Variants in TMEM120B observed in about 807,000 individuals in gnomAD.
The protein encoded by TMEM120B is transmembrane protein 120B.
Under a neutral mutation model 55.5 loss-of-function variants are expected in TMEM120B, and 31 were observed. That is an observed-to-expected ratio of 0.56 (90% CI 0.42 to 0.75). The LOEUF (loss-of-function observed/expected upper bound fraction) is 0.75, where lower values mean the gene tolerates loss of function less well. Ranked by LOEUF, TMEM120B falls within the 30% of genes least tolerant of loss-of-function variation. TMEM120B has a pLI of 0.00. For missense variants in TMEM120B, 399 were observed against 425.5 expected (o/e 0.94, Z 0.55); for synonymous variants, 203 against 176.3 (o/e 1.15, Z -1.20).
chr12:121,770,374 A>G (rs910590154), intron 6 of TMEM120B, among the ~76,000 whole-genome samples: 1 of 152,054 alleles, frequency 6.6e-6, no homozygotes, highest in African/African-American at 2.4e-5. Flanking sequence ...TCCCCTCTTC[A>G]AAGGCCCTGT....
rs1052288252 is a variant in TMEM120B at position 121,760,979 on chromosome 12, ATTC to A, written c.462-667_462-665del. 4.6e-5 allele frequency among the ~76,000 whole-genome samples: 7 copies of A among 151,910 alleles called. No homozygotes were observed. The South Asian group carries it at 1.0e-3, about 23-fold the overall frequency. Reference sequence around the variant, plus strand: ...CCTTAAATAGAACATTAAGTCTCCCATTCTTTTGTTTTTTTTTGGGACAGAGTC... The same window carrying A: ...CCTTAAATAGAACATTAAGTCTCCCATTTTGTTTTTTTTTGGGACAGAGTC... On this transcript the variant is annotated intron_variant, in intron 5 of 11. Transcript: ENST00000449592.
chr12:121,716,608 A>G (rs2942377), intron 1 of TMEM120B, among the ~76,000 whole-genome samples: 57,039 of 143,112 alleles, frequency 0.4, 12,069 homozygotes, highest in African/African-American at 0.54. Flanking sequence ...TGTCGCCCAA[A>G]CTAGAGTACA....
In TMEM120B at chr12:121,774,854, C is replaced by G. The variant is rs1359344234; in HGVS notation, c.837+132C>G. On this transcript the variant is annotated intron_variant, in intron 10 of 11. Transcript: ENST00000449592. ...CACAGCATCCTGGGGCCGGGGCAGC[C>G]TCTGGGCCCAGGGATGCCAAGGCAG... 5 of 1,265,646 alleles carry G rather than the reference C, an allele frequency of 4.0e-6. No homozygotes were observed. In the Admixed American group the frequency reaches 1.1e-4, roughly 27 times the overall value. The allele number at this position is 1,265,646 out of a possible 1,614,324, so 78.4% of individuals were successfully genotyped here.
chr12:121,780,469 G>A lies in TMEM120B; in HGVS notation c.*4747G>A. 1 of 326,412 alleles carries A rather than the reference G, an allele frequency of 3.1e-6. No homozygotes were observed. The allele number at this position is 326,412 out of a possible 1,614,324, so 20.2% of individuals were successfully genotyped here. ...ACCCAAAGAGTTGCACGGTCAATTGGCCCGTGAAGGGGACGCCTACTTTCA... is the reference window on the plus strand; with the variant it reads ...ACCCAAAGAGTTGCACGGTCAATTGACCCGTGAAGGGGACGCCTACTTTCA... On this transcript the variant is annotated 3_prime_UTR_variant, in exon 12 of 12. Transcript: ENST00000449592.
chr12:121,737,683 G>C (rs565971439), intron 1 of TMEM120B, among the ~76,000 whole-genome samples: 30 of 152,142 alleles, frequency 2.0e-4, no homozygotes, highest in African/African-American at 7.2e-4. Context: ...AGGGTGGAGG[G>C]CAAGCAGTTC....
intron 2 of TMEM120B, among the ~76,000 whole-genome samples, chr12:121,746,974 G>T (rs547363046): frequency 5.6e-4 from 85 of 151,872 alleles, no homozygotes; most frequent in Non-Finnish European, 9.9e-4. Context: ...AAAAAGAAAA[G>T]AAAAGAAAAA....
At position 121,770,938 on chromosome 12, in the gene TMEM120B, G is replaced by A. The variant is rs368861780; in HGVS notation, c.583G>A (p.Val195Ile). 1,713 of 1,614,042 alleles carry A rather than the reference G, an allele frequency of 1.1e-3. 34 individuals carry two copies. The South Asian group carries it at 0.018, about 17-fold the overall frequency. ...IKGWWVSHHY[V>I]STFLSGVMLT... Reference sequence around the variant, plus strand: ...AGGCTGGTGGGTGTCTCACCACTACGTCTCCACATTCCTGTCCGGAGTGAT... The same window carrying A: ...AGGCTGGTGGGTGTCTCACCACTACATCTCCACATTCCTGTCCGGAGTGAT... The change falls in exon 7 of 12, where the codon GTC becomes ATC. Residue 195 changes from valine (V) to isoleucine (I), a missense_variant. Around this residue, in one of 3 missense-constraint regions of TMEM120B, gnomAD observed 260 missense variants for 303.9 expected, o/e 0.86. Transcript: ENST00000449592.
intron 5 of TMEM120B, among the ~76,000 whole-genome samples, chr12:121,754,503 G>C (rs1212099771): frequency 6.6e-6 from 1 of 152,202 alleles, no homozygotes; most frequent in Non-Finnish European, 1.5e-5. Flanking sequence ...AGCAGGGCGT[G>C]GCAGGGCCAT....
At chr12:121,721,804 C>CTTTTTTTTTTTTTTTT (rs56702857) in intron 1 of TMEM120B, among the ~76,000 whole-genome samples, 1 of 91,878 alleles carries the variant, frequency 1.1e-5, no homozygotes, top group Non-Finnish European at 2.0e-5. Context: ...ATCAGTTCTA[C>CTTTTTTTTTTTTTTTT]TTTTTTTTTT....
At chr12:121,743,248 C>T (rs572531411) in intron 1 of TMEM120B, among the ~76,000 whole-genome samples, 41 of 152,082 alleles carry the variant, frequency 2.7e-4, no homozygotes, top group African/African-American at 9.2e-4. Flanking sequence ...AAAGTGAACA[C>T]TAAATAAAGA....
At chr12:121,750,914 CCCA>C (rs1873284741) in intron 4 of TMEM120B, among the ~76,000 whole-genome samples, 1 of 118,132 alleles carries the variant, frequency 8.5e-6, no homozygotes. Flanking sequence ...CACCCCACAC[CCCA>C]CACCCACACC....
At chr12:121,773,577 G>T (rs1174290486) in intron 9 of TMEM120B, 64 bp downstream of exon 9, 1 of 1,317,062 alleles carries the variant, frequency 7.6e-7, no homozygotes, top group Non-Finnish European at 1.0e-6. Flanking sequence ...CCCACACCGG[G>T]AGTGCAGCCC....
intron 1 of TMEM120B, among the ~76,000 whole-genome samples, chr12:121,738,686 C>T (rs574437017): frequency 2.6e-5 from 4 of 152,146 alleles, no homozygotes; most frequent in Non-Finnish European, 5.9e-5. Flanking sequence ...CGCTACATAG[C>T]GCAGAAACTG....
Position 121,779,552 on chromosome 12 carries a change from G to A in TMEM120B, c.*3830G>A, listed in dbSNP as rs377473825. 1.9e-5 allele frequency: 31 copies of A among 1,613,872 alleles called. No homozygotes were observed. Among genetic ancestry groups the A allele is most frequent in the Admixed American group, 5.0e-5 (3 of 60,014 alleles). The stretch of plus-strand genomic sequence containing the variant: ...TCTGCCGTTGCGCCTTCTTCAGAGC[G>A]CTGAGAGCCACCTTGGCGGCCTCCC... On this transcript the variant is annotated 3_prime_UTR_variant, in exon 12 of 12. Transcript: ENST00000449592.
At chr12:121,729,251 G>A (rs1000805698) in intron 1 of TMEM120B, among the ~76,000 whole-genome samples, 6 of 152,214 alleles carry the variant, frequency 3.9e-5, no homozygotes, top group African/African-American at 9.6e-5. Flanking sequence ...CAGTGCCTCC[G>A]TTGGCTCACC....
intron 6 of TMEM120B, among the ~76,000 whole-genome samples, chr12:121,768,047 G>A (rs1592947456): frequency 6.6e-6 from 1 of 152,172 alleles, no homozygotes; most frequent in African/African-American, 2.4e-5. Flanking sequence ...TGGAAGTTGG[G>A]GGATCTGGCC....
chr12:121,754,180 G>C (rs1183114629), intron 5 of TMEM120B, among the ~76,000 whole-genome samples: 1 of 152,258 alleles, frequency 6.6e-6, no homozygotes, highest in Admixed American at 6.5e-5. Flanking sequence ...GTGCTCGCCT[G>C]CTGCCCAGAG....
intron 5 of TMEM120B, among the ~76,000 whole-genome samples, chr12:121,759,983 C>T (rs907166744): frequency 6.6e-6 from 1 of 151,650 alleles, no homozygotes; most frequent in African/African-American, 2.4e-5. Flanking sequence ...GTACAAAAAT[C>T]AGCTGGGCAT....
chr12:121,763,185 C>T (rs1302274753), intron 6 of TMEM120B, among the ~76,000 whole-genome samples: 6 of 115,544 alleles, frequency 5.2e-5, no homozygotes, highest in African/African-American at 1.7e-4. Context: ...TTTTTTGAGA[C>T]GAAGTCTTGC....
Sources: gnomAD v4.1 joint callset for allele counts (sites outside exome capture counted in the v4.1 genomes callset) on GRCh38, gnomAD v4.1.1 for gene constraint, gnomAD v4.1.1 regional missense constraint, MANE v1.5 for transcripts, NCBI Gene and HGNC (gene_info 2026-07-23, HGNC 2026-07-21) for gene names.